The following PPP2R2D variants were observed in gnomAD, a reference collection of about 807,000 sequenced individuals.
PPP2R2D encodes the protein serine/threonine-protein phosphatase 2A 55 kDa regulatory subunit B delta isoform.
A neutral mutation model predicts 31.1 loss-of-function variants in PPP2R2D; 9 were observed. That is an observed-to-expected ratio of 0.29 (90% CI 0.17 to 0.51). The LOEUF is 0.51. Ranked by LOEUF, PPP2R2D falls within the 20% of genes least tolerant of loss-of-function variation. The probability of loss-of-function intolerance (pLI) is 0.98; values close to 1 mark genes in which losing one functional copy is unlikely to be tolerated. For missense variants in PPP2R2D, 391 were observed against 465.6 expected (o/e 0.84, Z 1.48); for synonymous variants, 179 against 172.6 (o/e 1.04, Z -0.29).
chr10:131,934,357 T>G (rs782544126), intron 2 of PPP2R2D, 101 bp from the exon 3 acceptor site: 36 of 662,730 alleles, frequency 5.4e-5, no homozygotes, highest in Non-Finnish European at 9.4e-5. Flanking sequence ...GAGAAAGTTG[T>G]ATATGTTTAT....
At chr10:131,934,386 T>A (rs2036301403) in intron 2 of PPP2R2D, 72 bp from the exon 3 acceptor site, 1 of 712,734 alleles carries the variant, frequency 1.4e-6, no homozygotes, top group Admixed American at 2.2e-5. Flanking sequence ...TGCTCTTTTT[T>A]ATTAATTTTT....
At chr10:131,940,754 C>T in intron 5 of PPP2R2D, 60 bp downstream of exon 5, 1 of 717,828 alleles carries the variant, frequency 1.4e-6, no homozygotes, top group Non-Finnish European at 2.6e-6. Context: ...ACGTTTCAGT[C>T]TGCTGTCTGG....
chr10:131,911,811 A>T (rs2035688633), intron 2 of PPP2R2D: 1 of 152,238 alleles, frequency 6.6e-6, no homozygotes, highest in Admixed American at 6.5e-5. Flanking sequence ...TAGCAGTAGG[A>T]GTGTCAAGGA....
intron 2 of PPP2R2D, among the ~76,000 whole-genome samples, chr10:131,905,274 A>G (rs2035563965): frequency 6.6e-6 from 1 of 152,126 alleles, no homozygotes; most frequent in East Asian, 1.9e-4. Flanking sequence ...GCAAGTAGAA[A>G]AGTTGTTTGT....
At chr10:131,963,311 T>C (rs184858895), downstream of PPP2R2D, among the ~76,000 whole-genome samples, 58 of 152,308 alleles carry the variant, frequency 3.8e-4, no homozygotes, top group Middle Eastern at 3.4e-3. Flanking sequence ...ACTAGAAGTG[T>C]TTTTTCTTAA....
chr10:131,928,434 G>GT (rs2036146896), intron 2 of PPP2R2D, among the ~76,000 whole-genome samples: 2 of 152,224 alleles, frequency 1.3e-5, no homozygotes, highest in African/African-American at 2.4e-5. Context: ...GATCCCTTTT[G>GT]TTTTGACAAT....
chr10:131,933,961 C>CTT (rs2036290992), intron 2 of PPP2R2D, among the ~76,000 whole-genome samples: 4 of 152,162 alleles, frequency 2.6e-5, no homozygotes, highest in Admixed American at 2.6e-4. Context: ...TGACATGGAA[C>CTT]TTCTACTGTC....
At position 131,944,010 on chromosome 10, in the gene PPP2R2D, C is replaced by A; in HGVS notation, c.520C>A (p.Pro174Thr). The part of the protein sequence containing the change: ...KPMDLMVEAS[P>T]RRIFANAHTY... ...CATGGATCTTATGGTAGAAGCGAGT[C>A]CACGGCGAATTTTTGCAAATGCTCA... The change falls in exon 6 of 9, where the codon CCA becomes ACA. Residue 174 changes from proline (P) to threonine (T), a missense_variant. By Grantham distance (38) the Pro-to-Thr change is conservative. Coordinates refer to ENST00000455566, the MANE Select transcript of PPP2R2D (RefSeq NM_018461.5). 1.5e-6 allele frequency: 2 copies of A among 1,310,076 alleles called. No individual in the cohort carries two copies. Among genetic ancestry groups the A allele is most frequent in the Non-Finnish European group, 2.2e-6 (2 of 902,866 alleles). 81.2% of individuals were successfully genotyped at this position (1,310,076 alleles called of 1,614,324 possible).
intron 8 of PPP2R2D, among the ~76,000 whole-genome samples, chr10:131,953,948 G>A (rs1412250663): frequency 3.3e-5 from 5 of 152,084 alleles, no homozygotes; most frequent in African/African-American, 9.7e-5. Context: ...TCAAAAACAC[G>A]CCAGTCTTCC....
rs368610703 is a variant in PPP2R2D at position 131,932,646 on chromosome 10, C to CAAAA, written c.101-1793_101-1790dup. ...CGCGCCACTGTACTCCAGCCTGTCTCAAAAAAAAAAAAAAAAAAAAAACAC... is the reference window on the plus strand; with the variant it reads ...CGCGCCACTGTACTCCAGCCTGTCTCAAAAAAAAAAAAAAAAAAAAAAAAAACAC... On this transcript the variant is annotated intron_variant, in intron 2 of 8. Coordinates refer to ENST00000455566, the MANE Select transcript of PPP2R2D (RefSeq NM_018461.5). Among the ~76,000 whole-genome samples, 165 of 57,514 alleles carry CAAAA rather than the reference C, an allele frequency of 2.9e-3. 1 individual carries two copies. Among genetic ancestry groups the CAAAA allele is most frequent in the East Asian group, 7.1e-3 (13 of 1,822 alleles). 37.7% of individuals were successfully genotyped at this position (57,514 alleles called of 152,430 possible). A position where few individuals can be genotyped will look rare whatever the true frequency, so the allele number is the denominator to read the frequency against.
chr10:131,952,061 A>T (rs1274171764), intron 8 of PPP2R2D, among the ~76,000 whole-genome samples: 1 of 117,564 alleles, frequency 8.5e-6, no homozygotes, highest in Non-Finnish European at 1.7e-5. Flanking sequence ...AGTGACTTGC[A>T]GGGGGTCCCT....
At chr10:131,905,331 C>T (rs1255941392) in intron 2 of PPP2R2D, among the ~76,000 whole-genome samples, 1 of 152,194 alleles carries the variant, frequency 6.6e-6, no homozygotes, top group Non-Finnish European at 1.5e-5. Context: ...TGGCTCCTTT[C>T]TGGAAATTGT....
chr10:131,925,625 G>A (rs186113298), intron 2 of PPP2R2D, among the ~76,000 whole-genome samples: 43 of 152,266 alleles, frequency 2.8e-4, no homozygotes, highest in African/African-American at 1.0e-3. Flanking sequence ...AAAGTAGTAT[G>A]CAGAATTTTC....
At chr10:131,935,609 GTAGT>G (rs1240515922) in intron 3 of PPP2R2D, among the ~76,000 whole-genome samples, 1 of 152,206 alleles carries the variant, frequency 6.6e-6, no homozygotes, top group Non-Finnish European at 1.5e-5. Flanking sequence ...TTATGTCCAG[GTAGT>G]TAAAGATTTT....
chr10:131,945,723 T>A lies in PPP2R2D; in HGVS notation c.820+264T>A. 2.4e-6 allele frequency: 1 copy of A among 415,444 alleles called. No individual in the cohort carries two copies. The highest frequency in any genetic ancestry group is 4.3e-6 in the Non-Finnish European group (1 of 231,020). 25.7% of individuals were successfully genotyped at this position (415,444 alleles called of 1,614,324 possible). A position where few individuals can be genotyped will look rare whatever the true frequency, so the allele number is the denominator to read the frequency against. On this transcript the variant is annotated intron_variant, in intron 7 of 8. Coordinates refer to ENST00000455566, the MANE Select transcript of PPP2R2D (RefSeq NM_018461.5). The surrounding 1 kb of genome is among the most constrained non-coding windows in gnomAD (Gnocchi z 4.8). ...ACCTCGGCCTCCCAAAGTGCTGGGA[T>A]TACAGGTGTGAGTCACCGCACCTGG...
intron 5 of PPP2R2D, among the ~76,000 whole-genome samples, chr10:131,943,096 G>A (rs2036469430): frequency 6.6e-6 from 1 of 152,168 alleles, no homozygotes; most frequent in South Asian, 2.1e-4. Context: ...TAAAGCTTAT[G>A]TTTTTCTTCC....
intron 2 of PPP2R2D, among the ~76,000 whole-genome samples, chr10:131,907,467 G>A (rs1476066565): frequency 6.6e-6 from 1 of 152,074 alleles, no homozygotes; most frequent in Admixed American, 6.5e-5. Flanking sequence ...CTCGCCGGGC[G>A]CAGTGGTTCA....
At chr10:131,940,305 G>A in intron 4 of PPP2R2D, 109 bp downstream of exon 4, 3 of 567,892 alleles carry the variant, frequency 5.3e-6, no homozygotes, top group East Asian at 2.8e-5. Flanking sequence ...TTAAATTTTG[G>A]GGGGAGGGTA....
At position 131,955,801 on chromosome 10, in the gene PPP2R2D, C is replaced by T; in HGVS notation, c.1200C>T (p.Pro400=). Reference sequence around the variant, plus strand: ...GCAAACCGCGCGCCAGCCTCAAACCCCGGAAGGTGTGTACGGGGGGTAAGC... The same window carrying T: ...GCAAACCGCGCGCCAGCCTCAAACCTCGGAAGGTGTGTACGGGGGGTAAGC... ...ESSKPRASLK[P]RKVCTGGKRR... The change falls in exon 9 of 9, where the codon CCC becomes CCT. Residue 400 remains proline, a synonymous_variant. Coordinates refer to ENST00000455566, the MANE Select transcript of PPP2R2D (RefSeq NM_018461.5). 1 of 1,603,934 alleles carries T rather than the reference C, an allele frequency of 6.2e-7. No individual in the cohort carries two copies.
Sources: gnomAD v4.1 joint callset for allele counts (sites outside exome capture counted in the v4.1 genomes callset) on GRCh38, gnomAD v4.1.1 for gene constraint, Gnocchi (gnomAD v3.1) non-coding constraint, MANE v1.5 for transcripts, NCBI Gene and HGNC (gene_info 2026-07-23, HGNC 2026-07-21) for gene names.